ANO7: variants seen among roughly 807,000 people sequenced by gnomAD.
ANO7 encodes the protein anoctamin-7.
ANO7 carries 114 observed loss-of-function variants against 115.8 expected under a neutral mutation model. The ratio of observed to expected loss-of-function variants is 0.98; its 90% CI spans 0.85 to 1.15. The LOEUF is 1.15. Ranked by LOEUF, ANO7 falls within the 50% of genes most tolerant of loss-of-function variation. The pLI is 0.00. For missense variants in ANO7, 1,302 were observed against 1,201.2 expected (o/e 1.08, Z -1.24); for synonymous variants, 550 against 498.2 (o/e 1.10, Z -1.38).
chr2:241,209,775 C>T, intron 13 of ANO7, 140 bp downstream of exon 13: 2 of 1,267,500 alleles, frequency 1.6e-6, no homozygotes. Flanking sequence ...GAGAGGCCCC[C>T]ATGTGCCCGG....
rs750833762 is a variant in ANO7, at chr2:241,217,900, C to G, written c.2178+9C>G. 4 of 1,474,226 alleles carry G rather than the reference C, an allele frequency of 2.7e-6. No homozygotes were observed. Among genetic ancestry groups the G allele is most frequent in the East Asian group, 2.7e-5 (1 of 36,830 alleles). 91.3% of individuals were successfully genotyped at this position (1,474,226 alleles called of 1,614,324 possible). ...TGGCGGTCATCAGCAACGTGAGGCC[C>G]GGGCGGGAGCGCGGGGCGGGGCGGG... On this transcript the variant is annotated intron_variant, in intron 20 of 24. Transcript: ENST00000674324.
rs202152653 is a variant in ANO7 at position 241,191,229 on chromosome 2, G to A, written c.144G>A (p.Gly48=). 6.2e-7 allele frequency: 1 copy of A among 1,613,852 alleles called. No homozygotes were observed. The highest frequency in any genetic ancestry group is 2.2e-5 in the East Asian group (1 of 44,882). Residue 48 remains glycine (G), a synonymous_variant, in exon 3 of 25, where the codon GGG becomes GGA. Transcript: ENST00000674324. ...AGCAAGCGGCCGCCTGCAGAGCTGG[G>A]AGTCCTGCCAAGCCCCGGATCGGTG... ...GGQQAAACRA[G]SPAKPRIADF... is the part of the protein sequence containing the mutation.
At chr2:241,234,668 A>G in the ANO7 span, among the ~76,000 whole-genome samples, 2 of 152,178 alleles carry the variant, frequency 1.3e-5, no homozygotes, top group African/African-American at 4.8e-5. Context: ...CTCCGCTCAT[A>G]CAATCCTTCA....
At chr2:241,205,046 C>A in intron 10 of ANO7, 91 bp downstream of exon 10, 2 of 1,085,784 alleles carry the variant, frequency 1.8e-6, no homozygotes, top group Non-Finnish European at 2.8e-6. Flanking sequence ...AGGTCCTGTG[C>A]AGACAGCTGG....
At chr2:241,208,139 C>T (rs899241110) in intron 11 of ANO7, among the ~76,000 whole-genome samples, 2 of 152,214 alleles carry the variant, frequency 1.3e-5, no homozygotes. Context: ...CTCAGGGCCT[C>T]GCTTGTACCC....
At chr2:241,217,020 G>A (rs994018761) in intron 19 of ANO7, among the ~76,000 whole-genome samples, 2 of 152,062 alleles carry the variant, frequency 1.3e-5, no homozygotes, top group African/African-American at 2.4e-5. Flanking sequence ...TTTAGTAGAG[G>A]CGGAGTTTCA....
At chr2:241,194,942 C>A (rs1318715614) in intron 3 of ANO7, among the ~76,000 whole-genome samples, 3 of 152,188 alleles carry the variant, frequency 2.0e-5, no homozygotes, top group Non-Finnish European at 2.9e-5. Flanking sequence ...GCTGGATGAC[C>A]AGCGTGTTCC....
the ANO7 span, chr2:241,239,953 T>C: frequency 6.2e-7 from 1 of 1,614,206 alleles, no homozygotes; most frequent in Non-Finnish European, 8.5e-7. This position sits in a 1 kb window ranked among gnomAD's most constrained non-coding sequence, Gnocchi z 4.6. Flanking sequence ...GACGGCGTCC[T>C]CCTTTCCAAT....
rs760887425 is a variant in ANO7 at position 241,217,901 on chromosome 2, G to A, written c.2178+10G>A. On this transcript the variant is annotated intron_variant, in intron 20 of 24. Coordinates refer to ENST00000674324, the MANE Select transcript of ANO7 (RefSeq NM_001370694.2). ...GGCGGTCATCAGCAACGTGAGGCCC[G>A]GGCGGGAGCGCGGGGCGGGGCGGGG... 2 of 1,512,696 alleles carry A rather than the reference G, an allele frequency of 1.3e-6. No individual in the cohort carries two copies. The highest frequency in any genetic ancestry group is 2.0e-5 in the Admixed American group (1 of 51,208). 93.7% of individuals were successfully genotyped at this position (1,512,696 alleles called of 1,614,324 possible).
chr2:241,224,550 G>A lies in ANO7; in HGVS notation c.*397G>A, dbSNP rs1280274411. On this transcript the variant is annotated 3_prime_UTR_variant, in exon 25 of 25. Coordinates refer to ENST00000674324, the MANE Select transcript of ANO7 (RefSeq NM_001370694.2). The stretch of plus-strand genomic sequence containing the variant: ...TCTCCTCTTACACCTGGTGACCTTC[G>A]AATGTTTCAGAGCGCAGGGCCGTTC... The A allele has an allele frequency of 2.1e-5, 5 of 233,914 alleles. No individual in the cohort carries two copies. The highest frequency in any genetic ancestry group is 1.1e-4 in the East Asian group (1 of 9,434). The allele number at this position is 233,914 out of a possible 1,614,324, so 14.5% of individuals were successfully genotyped here. A position where few individuals can be genotyped will look rare whatever the true frequency, so the allele number is the denominator to read the frequency against.
At position 241,203,500 on chromosome 2, in the gene ANO7, T is replaced by C. The variant is rs2068520092; in HGVS notation, c.889+2T>C. The stretch of plus-strand genomic sequence containing the variant: ...TGGCCCTCTACTTCGCCTGGCTCGG[T>C]GAGTCCCCCCCGCTGCCCCCCAGAC... On this transcript the variant is annotated splice_donor_variant, in intron 9 of 24. Coordinates refer to ENST00000674324, the MANE Select transcript of ANO7 (RefSeq NM_001370694.2). LOFTEE classifies it high-confidence loss of function. This position sits in a 1 kb window ranked among gnomAD's most constrained non-coding sequence, Gnocchi z 4.8. 1 of 1,495,776 alleles carries C rather than the reference T, an allele frequency of 6.7e-7. No individual in the cohort carries two copies. The highest frequency in any genetic ancestry group is 8.9e-7 in the Non-Finnish European group (1 of 1,120,696). The allele number at this position is 1,495,776 out of a possible 1,614,324, so 92.7% of individuals were successfully genotyped here. A position where few individuals can be genotyped will look rare whatever the true frequency, so the allele number is the denominator to read the frequency against.
In ANO7 at chr2:241,202,212, A is replaced by C; in HGVS notation, c.631A>C (p.Lys211Gln). 6.2e-7 allele frequency: 1 copy of C among 1,613,820 alleles called. No individual in the cohort carries two copies. The highest frequency in any genetic ancestry group is 1.1e-5 in the South Asian group (1 of 91,088). ...RHQILFEILA[K>Q]TPYGHEKKNL... Reference sequence around the variant, plus strand: ...CCTGCAGCTGTTTGAGATCCTGGCCAAGACCCCGTATGGCCACGAGAAGAA... The same window carrying C: ...CCTGCAGCTGTTTGAGATCCTGGCCCAGACCCCGTATGGCCACGAGAAGAA... Residue 211 changes from lysine to glutamine, a missense_variant, in exon 8 of 25, where the codon AAG (lysine) becomes CAG (glutamine). By Grantham distance (53) the Lys-to-Gln change is moderately conservative (BLOSUM62 1). Transcript: ENST00000674324.
intron 19 of ANO7, 120 bp from the exon 20 acceptor site, chr2:241,217,566 G>C: frequency 1.7e-6 from 2 of 1,171,574 alleles, no homozygotes; most frequent in Non-Finnish European, 2.4e-6. Flanking sequence ...AGGTGGGGGC[G>C]GAATGAGCCG....
intron 17 of ANO7, among the ~76,000 whole-genome samples, chr2:241,213,454 CGTT>C (rs1306896598): frequency 6.6e-6 from 1 of 152,222 alleles, no homozygotes; most frequent in Admixed American, 6.5e-5. Context: ...GAGGATGAAG[CGTT>C]GTTGTCACGG....
In ANO7 at chr2:241,209,314, C is replaced by T. The variant is rs574175803; in HGVS notation, c.1107C>T (p.Thr369=). The change falls in exon 12 of 25, where the codon ACC becomes ACT. Residue 369 remains threonine, a synonymous_variant. Coordinates refer to ENST00000674324, the MANE Select transcript of ANO7 (RefSeq NM_001370694.2). ...GCCGGCTGTTCGACCACGGCGGCACCGTGTTCTTCAGCTTGTTCATGGCAC... is the reference window on the plus strand; with the variant it reads ...GCCGGCTGTTCGACCACGGCGGCACTGTGTTCTTCAGCTTGTTCATGGCAC... ...QAGRLFDHGG[T]VFFSLFMALW... is the part of the protein sequence containing the mutation. The T allele has an allele frequency of 9.1e-5, 142 of 1,566,710 alleles. No individual in the cohort carries two copies. Among genetic ancestry groups the T allele is most frequent in the African/African-American group, 2.2e-4 (16 of 73,848 alleles).
chr2:241,207,781 C>T lies in ANO7; in HGVS notation c.1077+111C>T, dbSNP rs537679532. On this transcript the variant is annotated intron_variant, in intron 11 of 24. Coordinates refer to ENST00000674324, the MANE Select transcript of ANO7 (RefSeq NM_001370694.2). The stretch of plus-strand genomic sequence containing the variant: ...GCACCAGCCCCTGTCCTGCTTGTCA[C>T]CAGCTAAAGGCAGAACGCTCCATGA... The T allele has an allele frequency of 2.5e-5, 25 of 1,007,944 alleles. No homozygotes were observed. In the East Asian group the frequency reaches 5.3e-4, roughly 21 times the overall value. 62.4% of individuals were successfully genotyped at this position (1,007,944 alleles called of 1,614,324 possible).
At chr2:241,201,829 C>T (rs1280884517) in intron 7 of ANO7, among the ~76,000 whole-genome samples, 2 of 65,330 alleles carry the variant, frequency 3.1e-5, no homozygotes, top group African/African-American at 1.2e-4. Flanking sequence ...CAGGGCACAC[C>T]CTGGACACAG....
chr2:241,239,457 G>A, the ANO7 span: 18 of 632,864 alleles, frequency 2.8e-5, no homozygotes, highest in African/African-American at 7.3e-5. The surrounding 1 kb of genome is among the most constrained non-coding windows in gnomAD (Gnocchi z 4.6). Flanking sequence ...GGAAAGAAGA[G>A]CGAGCACCAG....
In ANO7 at chr2:241,218,390, C is replaced by T. The variant is rs1361343125; in HGVS notation, c.2321+9C>T. ...CACAACCGCACGTGCAGGTGAGCCC[C>T]GCGCCAGGTGGAGGGGGCCGCGGGC... On this transcript the variant is annotated intron_variant, in intron 21 of 24. Coordinates refer to ENST00000674324, the MANE Select transcript of ANO7 (RefSeq NM_001370694.2). 2 of 1,359,620 alleles carry T rather than the reference C, an allele frequency of 1.5e-6. No homozygotes were observed. The highest frequency in any genetic ancestry group is 2.9e-5 in the Admixed American group (1 of 34,954). 84.2% of individuals were successfully genotyped at this position (1,359,620 alleles called of 1,614,324 possible).
Sources: gnomAD v4.1 joint callset for allele counts (sites outside exome capture counted in the v4.1 genomes callset) on GRCh38, gnomAD v4.1.1 for gene constraint, Gnocchi (gnomAD v3.1) non-coding constraint, MANE v1.5 for transcripts, NCBI Gene and HGNC (gene_info 2026-07-23, HGNC 2026-07-21) for gene names.